GRM7: variants seen among roughly 807,000 people sequenced by gnomAD.
GRM7 encodes metabotropic glutamate receptor 7.
In GRM7, 35 loss-of-function variants were observed where a neutral mutation model predicts 84.5. That is an observed-to-expected ratio of 0.41 (90% CI 0.32 to 0.55). The LOEUF (loss-of-function observed/expected upper bound fraction) is 0.55. Among genes scored for constraint, GRM7 ranks in the 20% least tolerant of loss-of-function variants. The pLI, the probability that GRM7 is intolerant of heterozygous loss-of-function variation, is 0.19. For missense variants in GRM7, 1,003 were observed against 1,194.6 expected, an observed-to-expected ratio of 0.84 and a Z score of 2.36; for synonymous variants, 487 against 455.1, an observed-to-expected ratio of 1.07 and a Z score of -0.89.
In GRM7 at chr3:6,863,032, T is replaced by C. The variant is rs576959395; in HGVS notation, c.519+1125T>C. On this transcript the variant is annotated intron_variant, in intron 1 of 9. Transcript: ENST00000357716. This position sits in a 1 kb window ranked among gnomAD's most constrained non-coding sequence, Gnocchi z 4.8. The stretch of plus-strand genomic sequence containing the variant: ...AATGAGTGGCTTTGGGGTTTGGAAA[T>C]TGAGTTTCAGGGTCTCTGTGATTGT... 2 of 455,706 alleles carry C rather than the reference T, an allele frequency of 4.4e-6. No homozygotes were observed. The highest frequency in any genetic ancestry group is 8.8e-6 in the Non-Finnish European group (2 of 226,596). 28.2% of individuals were successfully genotyped at this position (455,706 alleles called of 1,614,324 possible).
chr3:7,106,895 G>T (rs1465881309), intron 1 of GRM7, among the ~76,000 whole-genome samples: 1 of 152,050 alleles, frequency 6.6e-6, no homozygotes, highest in East Asian at 1.9e-4. Context: ...TCTAGCAAAT[G>T]AGAAGAATAA....
intron 4 of GRM7, among the ~76,000 whole-genome samples, chr3:7,405,890 A>G (rs891214879): frequency 6.6e-6 from 1 of 152,040 alleles, no homozygotes; most frequent in Non-Finnish European, 1.5e-5. Context: ...ATATGTCAAC[A>G]GTGTGTTATT....
At chr3:6,933,732 A>C (rs1405114063) in intron 1 of GRM7, among the ~76,000 whole-genome samples, 3 of 143,024 alleles carry the variant, frequency 2.1e-5, no homozygotes, top group Non-Finnish European at 1.5e-5. Context: ...CGAGAAAAGA[A>C]AATTAAAAAA....
intron 2 of GRM7, among the ~76,000 whole-genome samples, chr3:7,172,917 C>G (rs1421617343): frequency 6.6e-6 from 1 of 151,896 alleles, no homozygotes; most frequent in East Asian, 1.9e-4. Context: ...ATATACATAT[C>G]TATGCTATTA....
At chr3:7,323,533 G>A (rs559240472) in intron 4 of GRM7, among the ~76,000 whole-genome samples, 1 of 152,194 alleles carries the variant, frequency 6.6e-6, no homozygotes, top group East Asian at 1.9e-4. Flanking sequence ...TCAATATAGT[G>A]GTTTCATCTG....
chr3:7,154,758 G>A (rs1574968809), intron 2 of GRM7, among the ~76,000 whole-genome samples: 1 of 152,122 alleles, frequency 6.6e-6, no homozygotes, highest in Non-Finnish European at 1.5e-5. Context: ...ACATTGGGAA[G>A]TAGCCACACT....
At position 7,626,914 on chromosome 3, in the gene GRM7, A is replaced by G. The variant is rs564116532; in HGVS notation, c.2451+47557A>G. Among the ~76,000 whole-genome samples the G allele has an allele frequency of 2.0e-3, 275 of 139,506 alleles. 2 individuals are homozygous for G. Among genetic ancestry groups the G allele is most frequent in the African/African-American group, 6.8e-3 (261 of 38,118 alleles). 91.5% of individuals were successfully genotyped at this position (139,506 alleles called of 152,430 possible). A position where few individuals can be genotyped will look rare whatever the true frequency, so the allele number is the denominator to read the frequency against. ...CAATAGCCCAGGTCCAAAAGCCTAC[A>G]TGAGCACCTCTTTTTTTTTTTTTTT... On this transcript the variant is annotated intron_variant, in intron 8 of 9. Coordinates refer to ENST00000357716, the MANE Select transcript of GRM7 (RefSeq NM_000844.4).
intron 1 of GRM7, among the ~76,000 whole-genome samples, chr3:7,100,208 G>A (rs1699063840): frequency 1.3e-5 from 2 of 151,394 alleles, no homozygotes; most frequent in African/African-American, 4.8e-5. Flanking sequence ...TATGTTTCTT[G>A]TGCACTTCTC....
chr3:6,937,815 C>T (rs570403928), intron 1 of GRM7, among the ~76,000 whole-genome samples: 2 of 152,250 alleles, frequency 1.3e-5, no homozygotes, highest in South Asian at 2.1e-4. Flanking sequence ...AAAACAGGCA[C>T]GTGGCAAGCT....
chr3:7,568,922 G>GC (rs922410712), intron 7 of GRM7, among the ~76,000 whole-genome samples: 1 of 151,990 alleles, frequency 6.6e-6, no homozygotes, highest in Non-Finnish European at 1.5e-5. Flanking sequence ...GACGAGCGCC[G>GC]CCCCCTGCTC....
At chr3:7,081,784 A>T (rs971715142) in intron 1 of GRM7, among the ~76,000 whole-genome samples, 2 of 152,110 alleles carry the variant, frequency 1.3e-5, no homozygotes, top group African/African-American at 4.8e-5. Flanking sequence ...AAACTGCTTT[A>T]TTGCTGAAAT....
At chr3:7,471,812 C>G (rs1698713726) in intron 7 of GRM7, among the ~76,000 whole-genome samples, 1 of 152,170 alleles carries the variant, frequency 6.6e-6, no homozygotes, top group Non-Finnish European at 1.5e-5. Context: ...TAGTTCTTTA[C>G]TGTATTTAAT....
intron 2 of GRM7, among the ~76,000 whole-genome samples, chr3:7,249,583 A>G (rs1697902192): frequency 6.6e-6 from 1 of 152,208 alleles, no homozygotes; most frequent in African/African-American, 2.4e-5. Context: ...AGGGAAACAA[A>G]ATTGGATGTA....
chr3:7,340,307 G>A (rs1169870463), intron 4 of GRM7, among the ~76,000 whole-genome samples: 1 of 152,076 alleles, frequency 6.6e-6, no homozygotes, highest in Non-Finnish European at 1.5e-5. Context: ...AAAGAAAAGG[G>A]GTTTAATTGA....
chr3:7,732,977 C>A (rs1270321244), intron 9 of GRM7, among the ~76,000 whole-genome samples: 3 of 152,170 alleles, frequency 2.0e-5, no homozygotes, highest in Non-Finnish European at 4.4e-5. Flanking sequence ...CCTTTTTAGA[C>A]CATATAGAGT....
intron 4 of GRM7, among the ~76,000 whole-genome samples, chr3:7,312,249 C>T (rs1011860676): frequency 3.3e-5 from 5 of 152,150 alleles, no homozygotes; most frequent in African/African-American, 1.2e-4. Flanking sequence ...AGCTCTGACA[C>T]CACATGCGGT....
intron 1 of GRM7, among the ~76,000 whole-genome samples, chr3:6,919,255 G>C (rs1461882270): frequency 6.6e-6 from 1 of 151,838 alleles, no homozygotes; most frequent in East Asian, 1.9e-4. Context: ...CTGGAGTGCA[G>C]TGGTGCCATC....
intron 7 of GRM7, among the ~76,000 whole-genome samples, chr3:7,466,871 TAC>T (rs1287514183): frequency 3.9e-5 from 6 of 152,238 alleles, no homozygotes; most frequent in Non-Finnish European, 1.5e-5. Flanking sequence ...TGTTAAAACT[TAC>T]ACTTCACACC....
chr3:7,630,087 T>G (rs2125095481), intron 8 of GRM7, among the ~76,000 whole-genome samples: 1 of 152,308 alleles, frequency 6.6e-6, no homozygotes, highest in Admixed American at 6.5e-5. Flanking sequence ...AAATTTAGCC[T>G]GAGGCTCTCA....
Sources: allele counts gnomAD v4.1 joint callset (sites outside exome capture counted in the v4.1 genomes callset), GRCh38; gene constraint gnomAD v4.1.1; non-coding constraint Gnocchi (gnomAD v3.1); transcripts MANE v1.5; gene names NCBI Gene and HGNC (gene_info 2026-07-23, HGNC 2026-07-21).